UACA: variants seen among roughly 807,000 people sequenced by gnomAD.
UACA encodes the protein nuclear membrane binding protein.
Under a neutral mutation model 160.5 loss-of-function variants are expected in UACA, and 112 were observed. The observed-to-expected ratio is 0.70, with a 90% CI of 0.60 to 0.82. The LOEUF (loss-of-function observed/expected upper bound fraction) is 0.82. Among genes scored for constraint, UACA ranks in the 40% least tolerant of loss-of-function variants. The probability of loss-of-function intolerance (pLI) is 0.00; values close to 1 mark genes in which losing one functional copy is unlikely to be tolerated. For missense variants in UACA, 1,574 were observed against 1,614.6 expected (o/e 0.97, Z 0.43); for synonymous variants, 557 against 568.4 (o/e 0.98, Z 0.29).
In UACA at chr15:70,703,023, G is replaced by A. The variant is rs574726967; in HGVS notation, c.79-3363C>T. The A allele has an allele frequency of 3.7e-5, 40 of 1,078,232 alleles. No homozygotes were observed. In the South Asian group the frequency reaches 5.1e-4, roughly 14 times the overall value. The allele number at this position is 1,078,232 out of a possible 1,614,324, so 66.8% of individuals were successfully genotyped here. ...AAAAACTGGTTAAACACTAAAGGAG[G>A]CAAATACACATTAGACAACGAGCTA... On this transcript the variant is annotated intron_variant, in intron 1 of 18. Coordinates refer to ENST00000322954, the MANE Select transcript of UACA (RefSeq NM_018003.4).
chr15:70,722,160 T>A (rs559625785), intron 1 of UACA, among the ~76,000 whole-genome samples: 1 of 152,184 alleles, frequency 6.6e-6, no homozygotes, highest in Admixed American at 6.6e-5. Flanking sequence ...TTAAACACTT[T>A]ATAAACCCCT....
At chr15:70,716,526 C>T (rs1274659636) in intron 1 of UACA, among the ~76,000 whole-genome samples, 1 of 152,202 alleles carries the variant, frequency 6.6e-6, no homozygotes, top group Non-Finnish European at 1.5e-5. Flanking sequence ...CTAACTACAG[C>T]TGCAAGTATT....
Position 70,659,818 on chromosome 15 carries a change from CTT to C in UACA, c.4179+331_4179+332del, listed in dbSNP as rs2044325265. 2.6e-5 allele frequency among the ~76,000 whole-genome samples: 4 copies of C among 152,186 alleles called. No homozygotes were observed. In the South Asian group the frequency reaches 8.3e-4, roughly 32 times the overall value. On this transcript the variant is annotated intron_variant, in intron 18 of 18. Coordinates refer to ENST00000322954, the MANE Select transcript of UACA (RefSeq NM_018003.4). ...TATTCAAAGCCATTCCCACTCTCCT[CTT>C]AGATGACAGCCACACGTGGATGTCA...
At chr15:70,673,750 A>G (rs921139450) in intron 13 of UACA, among the ~76,000 whole-genome samples, 1 of 152,258 alleles carries the variant, frequency 6.6e-6, no homozygotes, top group Non-Finnish European at 1.5e-5. Flanking sequence ...GTTATTATAC[A>G]TAACTCGTAA....
At chr15:70,753,959 C>T in intron 1 of UACA, 1 of 368,000 alleles carries the variant, frequency 2.7e-6, no homozygotes, top group Admixed American at 3.3e-5. Flanking sequence ...GTGCCCACCA[C>T]CATGCCTGGC....
At chr15:70,726,127 A>T (rs1269333429) in intron 1 of UACA, among the ~76,000 whole-genome samples, 2 of 152,138 alleles carry the variant, frequency 1.3e-5, no homozygotes, top group Admixed American at 1.3e-4. Context: ...AAGTGACTGG[A>T]TGGAAGTATC....
chr15:70,766,515 T>G (rs2031012795), upstream of UACA, among the ~76,000 whole-genome samples: 1 of 152,180 alleles, frequency 6.6e-6, no homozygotes, highest in African/African-American at 2.4e-5. Context: ...TAAAATTACT[T>G]TACTAGATTA....
chr15:70,658,403 T>A (rs1331924252), intron 18 of UACA, among the ~76,000 whole-genome samples: 2 of 152,142 alleles, frequency 1.3e-5, no homozygotes, highest in East Asian at 3.8e-4. Context: ...CTACAAAATT[T>A]CCCTCTACAG....
the UACA span, among the ~76,000 whole-genome samples, chr15:70,776,314 T>G: frequency 6.6e-6 from 1 of 152,320 alleles, no homozygotes; most frequent in Middle Eastern, 3.4e-3. Flanking sequence ...ACTTACTAAG[T>G]GCCAGGCACT....
rs916605642 is a variant in UACA, at chr15:70,668,736, A to T, written c.1948T>A (p.Leu650Ile). 10 of 1,613,340 alleles carry T rather than the reference A, an allele frequency of 6.2e-6. No individual in the cohort carries two copies. The highest frequency in any genetic ancestry group is 8.5e-6 in the Non-Finnish European group (10 of 1,179,882). Residue 650 changes from leucine (L) to isoleucine (I), a missense_variant, in exon 16 of 19, where the codon TTA becomes ATA. Physicochemically the swap from Leu to Ile is conservative, Grantham distance 5 (BLOSUM62 2). Coordinates refer to ENST00000322954, the MANE Select transcript of UACA (RefSeq NM_018003.4). ...TCATGTTCTCTTTCCATTTCTACTA[A>T]TTTTTTTGCTTTCTCATTCACTTCA... ...SNEVNEKAKK[L>I]VEMEREHEKS...
At chr15:70,766,802 GAAGT>G (rs1367454755), upstream of UACA, among the ~76,000 whole-genome samples, 1 of 152,232 alleles carries the variant, frequency 6.6e-6, no homozygotes, top group African/African-American at 2.4e-5. Flanking sequence ...CAACAGGTGA[GAAGT>G]AATACCAGAT....
intron 18 of UACA, among the ~76,000 whole-genome samples, chr15:70,658,028 G>T (rs1304678327): frequency 6.6e-6 from 1 of 151,820 alleles, no homozygotes; most frequent in African/African-American, 2.4e-5. Context: ...AGTTGAGGCT[G>T]TATGAGCTAT....
intron 5 of UACA, among the ~76,000 whole-genome samples, chr15:70,688,194 T>C (rs1215072614): frequency 1.3e-5 from 2 of 152,120 alleles, no homozygotes; most frequent in South Asian, 2.1e-4. Context: ...AAGAATCATA[T>C]CCATTTTTTA....
rs1184152687 is a variant in UACA at position 70,656,499 on chromosome 15, G to C, written c.*557C>G. On this transcript the variant is annotated 3_prime_UTR_variant, in exon 19 of 19. Coordinates refer to ENST00000322954, the MANE Select transcript of UACA (RefSeq NM_018003.4). ...TAAATTTATTTTAAAAGGCATAAAAGTTATTAGTGTAAAAAGAAAAAATAT... is the reference window on the plus strand; with the variant it reads ...TAAATTTATTTTAAAAGGCATAAAACTTATTAGTGTAAAAAGAAAAAATAT... The C allele has an allele frequency of 1.3e-5, 2 of 152,100 alleles. No individual in the cohort carries two copies. The highest frequency in any genetic ancestry group is 2.9e-5 in the Non-Finnish European group (2 of 68,010). 9.4% of individuals were successfully genotyped at this position (152,100 alleles called of 1,614,324 possible). A position where few individuals can be genotyped will look rare whatever the true frequency, so the allele number is the denominator to read the frequency against.
At chr15:70,708,427 A>G (rs1270323256) in intron 1 of UACA, among the ~76,000 whole-genome samples, 2 of 152,312 alleles carry the variant, frequency 1.3e-5, no homozygotes, top group African/African-American at 2.4e-5. Flanking sequence ...ATTAAAAATA[A>G]TAATAAAAAC....
At chr15:70,765,080 G>T (rs186606964), upstream of UACA, among the ~76,000 whole-genome samples, 12 of 152,254 alleles carry the variant, frequency 7.9e-5, no homozygotes, top group East Asian at 2.3e-3. Context: ...GCTGTATAAC[G>T]TGGACGCGAC....
intron 1 of UACA, among the ~76,000 whole-genome samples, chr15:70,742,257 C>T (rs1207623208): frequency 6.6e-6 from 1 of 152,158 alleles, no homozygotes; most frequent in Admixed American, 6.5e-5. Flanking sequence ...ATAACATAAG[C>T]AACTTGAAAC....
At chr15:70,682,650 T>C (rs1171167596) in intron 9 of UACA, 108 bp downstream of exon 9, 19 of 555,124 alleles carry the variant, frequency 3.4e-5, no homozygotes, top group Non-Finnish European at 4.8e-5. Flanking sequence ...AGAAGAGAGA[T>C]AGAACGCATT....
At chr15:70,702,039 G>A in intron 1 of UACA, 2 of 1,456,838 alleles carry the variant, frequency 1.4e-6, no homozygotes, top group South Asian at 3.0e-5. Flanking sequence ...CTCACATGCT[G>A]TGCTACACTT....
Sources: allele counts gnomAD v4.1 joint callset (sites outside exome capture counted in the v4.1 genomes callset), GRCh38; gene constraint gnomAD v4.1.1; transcripts MANE v1.5; gene names NCBI Gene and HGNC (gene_info 2026-07-23, HGNC 2026-07-21).